Variants in SYBU observed in about 807,000 individuals in gnomAD.
SYBU encodes the protein syntabulin.
SYBU carries 21 observed loss-of-function variants against 35.9 expected under a neutral mutation model. That is an observed-to-expected ratio of 0.58 (90% CI 0.41 to 0.84). The LOEUF is 0.84. Among genes scored for constraint, SYBU ranks in the 40% least tolerant of loss-of-function variants. The pLI is 0.00. For missense variants in SYBU, 768 were observed against 848.2 expected, an observed-to-expected ratio of 0.91 and a Z score of 1.17; for synonymous variants, 319 against 324.3, an observed-to-expected ratio of 0.98 and a Z score of 0.18.
At chr8:109,662,614 A>G (rs1217315175) in intron 1 of SYBU, among the ~76,000 whole-genome samples, 1 of 152,126 alleles carries the variant, frequency 6.6e-6, no homozygotes, top group Non-Finnish European at 1.5e-5. Context: ...TGAATCTAAC[A>G]TTAGTGTAGG....
intron 3 of SYBU, chr8:109,608,066 C>G: frequency 4.2e-6 from 4 of 950,894 alleles, no homozygotes; most frequent in Non-Finnish European, 6.1e-6. Context: ...GGAGACTGAG[C>G]CTTCTGCATG....
intron 1 of SYBU, among the ~76,000 whole-genome samples, chr8:109,671,438 G>A (rs978153559): frequency 6.6e-6 from 1 of 152,108 alleles, no homozygotes; most frequent in East Asian, 1.9e-4. Flanking sequence ...AGTGGGGGCT[G>A]GAGGGAAGCT....
intron 3 of SYBU, among the ~76,000 whole-genome samples, chr8:109,601,638 C>A (rs186468973): frequency 1.4e-4 from 22 of 151,994 alleles, no homozygotes; most frequent in African/African-American, 4.8e-4. Flanking sequence ...GGAGAGATGA[C>A]ACTTGAGATG....
upstream of SYBU, among the ~76,000 whole-genome samples, chr8:109,685,739 G>A (rs1419142860): frequency 5.9e-5 from 9 of 151,978 alleles, no homozygotes; most frequent in Admixed American, 5.9e-4. Flanking sequence ...AAATAGTAAT[G>A]GAAATAATGG....
chr8:109,639,344 A>T (rs533845692), intron 2 of SYBU, among the ~76,000 whole-genome samples: 22 of 152,260 alleles, frequency 1.4e-4, no homozygotes, highest in African/African-American at 2.4e-4. Context: ...TATCTTTTTT[A>T]AAAAAGTAAA....
At position 109,654,073 on chromosome 8, in the gene SYBU, T is replaced by A. The variant is rs182498693; in HGVS notation, c.-129+26638A>T. ...TATTTTTTTTTATAACTTTAATCCA[T>A]TTTTTTTACTGGACATTTCACATCA... On this transcript the variant is annotated intron_variant, in intron 1 of 5. Transcript: ENST00000408889. Among the ~76,000 whole-genome samples, 18 of 152,066 alleles carry A rather than the reference T, an allele frequency of 1.2e-4. 1 individual carries two copies. In the East Asian group the frequency reaches 3.5e-3, roughly 29 times the overall value.
At chr8:109,657,674 C>T (rs1042481220) in intron 1 of SYBU, among the ~76,000 whole-genome samples, 1 of 152,188 alleles carries the variant, frequency 6.6e-6, no homozygotes, top group African/African-American at 2.4e-5. Context: ...TTCAGAATCA[C>T]TGCCAAACTT....
chr8:109,651,697 C>T (rs1416229695), intron 1 of SYBU, among the ~76,000 whole-genome samples: 1 of 152,024 alleles, frequency 6.6e-6, no homozygotes, highest in Non-Finnish European at 1.5e-5. Context: ...AGACGCAAAG[C>T]CTAGCATTTA....
chr8:109,655,979 G>A (rs892474879), intron 1 of SYBU, among the ~76,000 whole-genome samples: 1 of 152,158 alleles, frequency 6.6e-6, no homozygotes, highest in African/African-American at 2.4e-5. Context: ...AGCCAGGCGT[G>A]GTGACATGTG....
intron 2 of SYBU, among the ~76,000 whole-genome samples, chr8:109,619,289 T>A (rs1812173971): frequency 6.6e-6 from 1 of 151,834 alleles, no homozygotes. Flanking sequence ...AGCGGCGTGA[T>A]CTCAGTTCAT....
intron 1 of SYBU, among the ~76,000 whole-genome samples, chr8:109,657,427 A>T (rs2130732368): frequency 6.6e-6 from 1 of 152,290 alleles, no homozygotes; most frequent in South Asian, 2.1e-4. Context: ...TGCCCAAAGG[A>T]AATTTGTTTG....
intron 3 of SYBU, among the ~76,000 whole-genome samples, chr8:109,603,114 T>A (rs1407750109): frequency 1.3e-5 from 2 of 152,238 alleles, no homozygotes; most frequent in East Asian, 3.9e-4. Flanking sequence ...TGCACTGGGA[T>A]GCCTCGCTCC....
chr8:109,584,725 G>A lies in SYBU; in HGVS notation c.530+1335C>T, dbSNP rs185145232. On this transcript the variant is annotated intron_variant, in intron 4 of 6. Coordinates refer to ENST00000276646, the MANE Select transcript of SYBU (RefSeq NM_001099754.2). This position sits in a 1 kb window ranked among gnomAD's most constrained non-coding sequence, Gnocchi z 4.0. ...AACTGTGCCCTGGGGGTCTCAGGTC[G>A]CCTTATAAACATCTGCTAAATCTTC... 2.3e-4 allele frequency among the ~76,000 whole-genome samples: 35 copies of A among 152,138 alleles called. No individual in the cohort carries two copies. The East Asian group carries it at 5.6e-3, about 24-fold the overall frequency.
chr8:109,604,232 G>A (rs1825838185), intron 3 of SYBU, among the ~76,000 whole-genome samples: 1 of 151,946 alleles, frequency 6.6e-6, no homozygotes, highest in Non-Finnish European at 1.5e-5. Flanking sequence ...TGCCTCTAAG[G>A]GCATACATAG....
At chr8:109,604,699 T>C (rs1825886097) in intron 3 of SYBU, among the ~76,000 whole-genome samples, 2 of 152,334 alleles carry the variant, frequency 1.3e-5, no homozygotes, top group East Asian at 1.9e-4. Context: ...TAGGAGGCTA[T>C]GGAGCAATCT....
chr8:109,598,985 TA>T (rs992292066), intron 3 of SYBU, among the ~76,000 whole-genome samples: 1 of 152,214 alleles, frequency 6.6e-6, no homozygotes, highest in Admixed American at 6.5e-5. Flanking sequence ...AAATGTGCCT[TA>T]AACACCAGGA....
chr8:109,689,868 G>A (rs1168267836), intron 1 of SYBU, among the ~76,000 whole-genome samples: 6 of 140,404 alleles, frequency 4.3e-5, no homozygotes, highest in African/African-American at 1.3e-4. Context: ...ATGACTATTA[G>A]AGACAGCTGG....
intron 1 of SYBU, chr8:109,643,156 C>T: frequency 8.2e-7 from 1 of 1,217,818 alleles, no homozygotes; most frequent in Non-Finnish European, 1.0e-6. Context: ...GGCACACACA[C>T]ACACACACAC....
At position 109,691,505 on chromosome 8, in the gene SYBU, C is replaced by T. The variant is rs1036455575; in HGVS notation, c.-230G>A. The T allele has an allele frequency of 3.2e-5, 16 of 503,384 alleles. No individual in the cohort carries two copies. Among genetic ancestry groups the T allele is most frequent in the African/African-American group, 2.9e-4 (14 of 48,706 alleles). 31.2% of individuals were successfully genotyped at this position (503,384 alleles called of 1,614,324 possible). On this transcript the variant is annotated 5_prime_UTR_variant, in exon 1 of 8. Transcript: ENST00000422135. This position sits in a 1 kb window ranked among gnomAD's most constrained non-coding sequence, Gnocchi z 4.7. The stretch of plus-strand genomic sequence containing the variant: ...CCGGCCCGCTCCGCCCGCCTTAGCC[C>T]GGCTTGGACACGTGGTGCCGCGGAA...
Sources: gnomAD v4.1 joint callset for allele counts (sites outside exome capture counted in the v4.1 genomes callset) on GRCh38, gnomAD v4.1.1 for gene constraint, Gnocchi (gnomAD v3.1) non-coding constraint, MANE v1.5 for transcripts, NCBI Gene and HGNC (gene_info 2026-07-23, HGNC 2026-07-21) for gene names.